The following NXN variants were observed in gnomAD, a reference collection of about 807,000 sequenced individuals.
The protein encoded by NXN is nucleoredoxin 1.
A neutral mutation model predicts 48.6 loss-of-function variants in NXN; 16 were observed. The observed-to-expected ratio is 0.33, with a 90% CI of 0.22 to 0.50. The LOEUF is 0.50. Among genes scored for constraint, NXN ranks in the 20% least tolerant of loss-of-function variants. NXN has a pLI of 0.98. For missense variants in NXN, 492 were observed against 605.5 expected, an observed-to-expected ratio of 0.81 and a Z score of 1.97; for synonymous variants, 281 against 269.6, an observed-to-expected ratio of 1.04 and a Z score of -0.41.
At chr17:899,861 G>A (rs1417045087) in intron 1 of NXN, among the ~76,000 whole-genome samples, 1 of 152,154 alleles carries the variant, frequency 6.6e-6, no homozygotes, top group African/African-American at 2.4e-5. Context: ...TTGCACCCCA[G>A]CCTGAGTGAC....
At chr17:906,834 C>A (rs571226915) in intron 1 of NXN, among the ~76,000 whole-genome samples, 1 of 151,908 alleles carries the variant, frequency 6.6e-6, no homozygotes, top group Non-Finnish European at 1.5e-5. Context: ...CTCCCAAAGT[C>A]AGGCTGGGAT....
chr17:831,321 G>A (rs1913455696), intron 1 of NXN, among the ~76,000 whole-genome samples: 1 of 151,988 alleles, frequency 6.6e-6, no homozygotes, highest in Admixed American at 6.6e-5. Flanking sequence ...CCACAAGTCT[G>A]AAGTATACAA....
At chr17:811,969 C>T (rs538902171) in intron 5 of NXN, among the ~76,000 whole-genome samples, 90 of 142,900 alleles carry the variant, frequency 6.3e-4, no homozygotes, top group African/African-American at 1.2e-3. Context: ...GCTCTGTCGC[C>T]CAGGCTGGAG....
intron 1 of NXN, among the ~76,000 whole-genome samples, chr17:892,229 G>C (rs947957050): frequency 1.4e-5 from 2 of 148,122 alleles, no homozygotes; most frequent in African/African-American, 5.0e-5. Context: ...CAGCCCAACA[G>C]GGAACCTAAG....
chr17:942,781 TA>T (rs1304328936), intron 1 of NXN, among the ~76,000 whole-genome samples: 4 of 104,572 alleles, frequency 3.8e-5, no homozygotes, highest in Admixed American at 9.9e-5. Flanking sequence ...TCCCTGGATT[TA>T]CAGTGAACAA....
intron 1 of NXN, among the ~76,000 whole-genome samples, chr17:901,362 C>T (rs548981992): frequency 1.3e-5 from 2 of 152,290 alleles, no homozygotes; most frequent in South Asian, 4.2e-4. Context: ...GACACTTAAT[C>T]AACGCTAGCT....
rs1300320664 is a variant in NXN, at chr17:826,037, T to C, written c.402A>G (p.Ser134=). ...CAGTGGTGGCGTCGAGGAATATTAGTGATGGAATGTTGGAAATTCGGTATT... is the reference window on the plus strand; with the variant it reads ...CAGTGGTGGCGTCGAGGAATATTAGCGATGGAATGTTGGAAATTCGGTATT... The part of the protein sequence containing the change: ...WNKYRISNIP[S]LIFLDATTGK... Residue 134 remains serine (S), a synonymous_variant, in exon 2 of 8, where the codon TCA becomes TCG. Coordinates refer to ENST00000336868, the MANE Select transcript of NXN (RefSeq NM_022463.5). 6.2e-7 allele frequency: 1 copy of C among 1,613,962 alleles called. No homozygotes were observed. Among genetic ancestry groups the C allele is most frequent in the Non-Finnish European group, 8.5e-7 (1 of 1,179,926 alleles).
At chr17:861,854 C>CAG (rs58737820) in intron 1 of NXN, among the ~76,000 whole-genome samples, 24,149 of 150,730 alleles carry the variant, frequency 0.16, 2,520 homozygotes, top group African/African-American at 0.29. Context: ...TAAATTGAGA[C>CAG]AGTCTTGCTC....
chr17:813,004 ATG>A (rs753060135), intron 5 of NXN, among the ~76,000 whole-genome samples: 118 of 151,822 alleles, frequency 7.8e-4, no homozygotes, highest in Non-Finnish European at 1.3e-3. Flanking sequence ...AGGTGTTTGC[ATG>A]TGTGTAGGTT....
intron 1 of NXN, among the ~76,000 whole-genome samples, chr17:842,990 GAGAAAGAGAGAAAGAGAGAAAGAAAGAA>G (rs1182913811): frequency 1.4e-3 from 152 of 106,664 alleles, no homozygotes; most frequent in African/African-American, 5.1e-3. Context: ...GAGAGAAAGA[GAGAAAGAGAGAAAGAGAGAAAGAAAGAA>G]AGAAAGAAAG....
At chr17:879,393 G>A (rs1445224191) in intron 1 of NXN, among the ~76,000 whole-genome samples, 3 of 150,496 alleles carry the variant, frequency 2.0e-5, no homozygotes, top group Admixed American at 6.7e-5. Flanking sequence ...AGGTTCAAGC[G>A]ATTCTCCCGC....
At chr17:872,488 T>A (rs1243584820) in intron 1 of NXN, among the ~76,000 whole-genome samples, 1 of 144,434 alleles carries the variant, frequency 6.9e-6, no homozygotes, top group Non-Finnish European at 1.6e-5. Flanking sequence ...AGAGAGAGTG[T>A]GTTTGAGGAA....
At chr17:895,473 T>C (rs1025305942) in intron 1 of NXN, among the ~76,000 whole-genome samples, 7 of 152,080 alleles carry the variant, frequency 4.6e-5, no homozygotes. Context: ...AGAAACAGAA[T>C]TCAGCAACCT....
chr17:912,274 A>C (rs552807605), intron 1 of NXN, among the ~76,000 whole-genome samples: 9 of 152,086 alleles, frequency 5.9e-5, no homozygotes, highest in Non-Finnish European at 8.8e-5. Flanking sequence ...CGGTTGAAAA[A>C]AATCTGTGTA....
chr17:936,617 G>C (rs1462139504), intron 1 of NXN, among the ~76,000 whole-genome samples: 1 of 151,400 alleles, frequency 6.6e-6, no homozygotes. Context: ...CTCAGGTCTG[G>C]GGTGCCCAAT....
At chr17:960,586 C>T (rs1478068206) in intron 1 of NXN, among the ~76,000 whole-genome samples, 1 of 143,320 alleles carries the variant, frequency 7.0e-6, no homozygotes, top group Non-Finnish European at 1.5e-5. Flanking sequence ...TCAAGCGATG[C>T]TTCCACCTCA....
intron 1 of NXN, among the ~76,000 whole-genome samples, chr17:857,163 T>A (rs1211084306): frequency 6.6e-6 from 1 of 152,236 alleles, no homozygotes; most frequent in Non-Finnish European, 1.5e-5. Context: ...AGGGCACCAG[T>A]GGACTCAGTG....
At chr17:897,353 T>C (rs12603526) in intron 1 of NXN, among the ~76,000 whole-genome samples, 3,990 of 152,282 alleles carry the variant, frequency 0.026, 193 homozygotes, top group East Asian at 0.25. Flanking sequence ...TGCCCCACAC[T>C]GTTTACAGGA....
At chr17:911,336 C>CTTTTTTTTTTTT (rs59123335) in intron 1 of NXN, 8 of 118,114 alleles carry the variant, frequency 6.8e-5, no homozygotes, top group African/African-American at 2.0e-4. Context: ...TGCAAGTCTT[C>CTTTTTTTTTTTT]TTTTTTTTTT....
Sources: gnomAD v4.1 joint callset for allele counts (sites outside exome capture counted in the v4.1 genomes callset) on GRCh38, gnomAD v4.1.1 for gene constraint, MANE v1.5 for transcripts, NCBI Gene and HGNC (gene_info 2026-07-23, HGNC 2026-07-21) for gene names.